The following AMDHD2 variants were observed in gnomAD, a reference collection of about 807,000 sequenced individuals.
AMDHD2 encodes amidohydrolase domain containing 2, also known as N-acetylglucosamine-6-phosphate deacetylase.
In AMDHD2, 24 loss-of-function variants were observed where a neutral mutation model predicts 41.8. That is an observed-to-expected ratio of 0.57 (90% CI 0.42 to 0.81). The LOEUF (loss-of-function observed/expected upper bound fraction) is 0.81. Among genes scored for constraint, AMDHD2 ranks in the 30% least tolerant of loss-of-function variants. The pLI, the probability that AMDHD2 is intolerant of heterozygous loss-of-function variation, is 0.00. For synonymous variants in AMDHD2, 332 were observed against 255.5 expected (o/e 1.30, Z -2.85); for missense variants, 540 against 588.5 (o/e 0.92, Z 0.85).
intron 3 of AMDHD2, among the ~76,000 whole-genome samples, chr16:2,522,085 G>C (rs991191092): frequency 6.6e-6 from 1 of 151,972 alleles, no homozygotes; most frequent in Non-Finnish European, 1.5e-5. Context: ...CGCCCGGCCA[G>C]TTTTTGTTAT....
In AMDHD2 at chr16:2,520,539, C is replaced by G; in HGVS notation, c.81C>G (p.Leu27=). Residue 27 remains leucine (L), a splice_region_variant and synonymous_variant, in exon 1 of 11, where the codon CTC becomes CTG. Coordinates refer to ENST00000293971, the MANE Select transcript of AMDHD2 (RefSeq NM_001330449.2). ...NCRILRGGKL[L]REDLWVRGGR... ...GGATCCTGCGCGGAGGGAAACTGCT[C>G]AGGTGGGCGCGGGCCGGGGACTGCG... is the stretch of plus-strand genomic sequence containing the variant. 8.1e-7 allele frequency: 1 copy of G among 1,233,434 alleles called. No homozygotes were observed. 76.4% of individuals were successfully genotyped at this position (1,233,434 alleles called of 1,614,324 possible).
chr16:2,529,519 A>G lies in AMDHD2; in HGVS notation c.1186A>G (p.Ile396Val). The change falls in exon 11 of 11, where the codon ATC becomes GTC. Residue 396 changes from isoleucine (I) to valine (V), a missense_variant. Coordinates refer to ENST00000293971, the MANE Select transcript of AMDHD2 (RefSeq NM_001330449.2). ...DDSLHVQATY[I>V]SGELVWQADA... is the part of the protein sequence containing the mutation. ...CTCCCTTCACGTCCAGGCCACCTAC[A>G]TCTCGGGTGAGCTGGTGTGGCAGGC... The G allele has an allele frequency of 1.2e-6, 2 of 1,611,944 alleles. No individual in the cohort carries two copies. Among genetic ancestry groups the G allele is most frequent in the Non-Finnish European group, 1.7e-6 (2 of 1,179,932 alleles).
Position 2,530,527 on chromosome 16 carries a change from T to A in AMDHD2, c.*964T>A, listed in dbSNP as rs201467221. On this transcript the variant is annotated 3_prime_UTR_variant, in exon 11 of 11. Coordinates refer to ENST00000293971, the MANE Select transcript of AMDHD2 (RefSeq NM_001330449.2). ...AGCCCCACGTCAGGGGTGATTGTCT[T>A]GACTTTCTCTCCATTTGAGTTCTGG... The A allele has an allele frequency of 2.0e-4, 327 of 1,614,152 alleles. 2 individuals carry two copies. The African/African-American group carries it at 3.8e-3, about 19-fold the overall frequency.
intron 3 of AMDHD2, among the ~76,000 whole-genome samples, chr16:2,523,348 G>T (rs2065966035): frequency 6.6e-6 from 1 of 152,122 alleles, no homozygotes; most frequent in Non-Finnish European, 1.5e-5. Flanking sequence ...CCCTCTCTTG[G>T]TGTGTGGGCA....
chr16:2,521,214 G>A (rs1189245468), intron 3 of AMDHD2, 91 bp downstream of exon 3: 40 of 1,402,184 alleles, frequency 2.9e-5, no homozygotes, highest in Non-Finnish European at 3.6e-5. Context: ...CCCACCCCCA[G>A]CACGTATTCC....
At chr16:2,528,425 G>C (rs759337606) in intron 7 of AMDHD2, 27 bp from the exon 8 acceptor site, 2 of 1,612,780 alleles carry the variant, frequency 1.2e-6, no homozygotes, top group Admixed American at 1.7e-5. Flanking sequence ...GACTGGGCTA[G>C]CAGGTTCTGA....
At chr16:2,521,392 C>T (rs889135750) in intron 3 of AMDHD2, among the ~76,000 whole-genome samples, 2 of 152,168 alleles carry the variant, frequency 1.3e-5, no homozygotes, top group Non-Finnish European at 2.9e-5. Flanking sequence ...GTCCCCACCC[C>T]CTGCACTGCA....
chr16:2,527,815 G>A lies in AMDHD2; in HGVS notation c.458G>A (p.Gly153Asp). The A allele has an allele frequency of 6.3e-7, 1 of 1,591,248 alleles. No individual in the cohort carries two copies. Among genetic ancestry groups the A allele is most frequent in the Non-Finnish European group, 8.5e-7 (1 of 1,174,520 alleles). The change falls in exon 5 of 11, where the codon GGC becomes GAC. Residue 153 changes from glycine to aspartate, a missense_variant. Physicochemically the swap from Gly to Asp is moderately conservative, Grantham distance 94 (BLOSUM62 -1). Coordinates refer to ENST00000293971, the MANE Select transcript of AMDHD2 (RefSeq NM_001330449.2). This position sits in a 1 kb window ranked among gnomAD's most constrained non-coding sequence, Gnocchi z 6.1. ...EGPFISREKRGAHPEAHLRSF... is the reference protein window; with the variant it reads ...EGPFISREKRDAHPEAHLRSF... ...CCCTTCATCAGCCGGGAGAAGCGGGGCGCGCACCCCGAGGCCCACCTCCGC... is the reference window on the plus strand; with the variant it reads ...CCCTTCATCAGCCGGGAGAAGCGGGACGCGCACCCCGAGGCCCACCTCCGC...
Position 2,530,630 on chromosome 16 carries a change from C to T in AMDHD2, c.*1067C>T, listed in dbSNP as rs771857444. On this transcript the variant is annotated 3_prime_UTR_variant, in exon 11 of 11. Coordinates refer to ENST00000293971, the MANE Select transcript of AMDHD2 (RefSeq NM_001330449.2). Reference sequence around the variant, plus strand: ...GTACGCGCCTGGCTCTGCCACTGTTCTCTTCCCTCTGCTGCAAAGCCCAGT... The same window carrying T: ...GTACGCGCCTGGCTCTGCCACTGTTTTCTTCCCTCTGCTGCAAAGCCCAGT... 1.9e-6 allele frequency: 3 copies of T among 1,614,204 alleles called. No individual in the cohort carries two copies. The highest frequency in any genetic ancestry group is 2.5e-6 in the Non-Finnish European group (3 of 1,180,036).
At chr16:2,526,416 T>G (rs934696926) in intron 3 of AMDHD2, among the ~76,000 whole-genome samples, 1 of 152,060 alleles carries the variant, frequency 6.6e-6, no homozygotes, top group Non-Finnish European at 1.5e-5. Flanking sequence ...TCTGCTCTAC[T>G]TCCCCGGGGG....
At chr16:2,529,164 C>T in intron 10 of AMDHD2, 69 bp downstream of exon 10, 1 of 1,421,280 alleles carries the variant, frequency 7.0e-7, no homozygotes, top group South Asian at 1.4e-5. Flanking sequence ...CCTGGGGCGG[C>T]CTGGACAGGG....
chr16:2,529,442 C>T (rs760362467), intron 10 of AMDHD2, 33 bp from the exon 11 acceptor site: 3 of 1,605,650 alleles, frequency 1.9e-6, no homozygotes, highest in East Asian at 4.5e-5. Context: ...GGCCCCACTC[C>T]TGCCCCCTAC....
chr16:2,530,754 G>C lies in AMDHD2; in HGVS notation c.*1191G>C, dbSNP rs76722821. ...GAACCACCTGCCTGGGCAGGGCCTC[G>C]CCTGAGGGAGGGCCTGGGGCAGGGC... On this transcript the variant is annotated 3_prime_UTR_variant, in exon 11 of 11. Coordinates refer to ENST00000293971, the MANE Select transcript of AMDHD2 (RefSeq NM_001330449.2). The C allele has an allele frequency of 0.016, 26,003 of 1,613,532 alleles. 274 individuals are homozygous for C. Among genetic ancestry groups the C allele is most frequent in the Non-Finnish European group, 0.02 (23,291 of 1,179,814 alleles).
At chr16:2,522,270 G>A (rs1006452807) in intron 3 of AMDHD2, among the ~76,000 whole-genome samples, 1 of 152,120 alleles carries the variant, frequency 6.6e-6, no homozygotes, top group African/African-American at 2.4e-5. Flanking sequence ...TTTTTGTAGA[G>A]AAAGTCTCAC....
Position 2,530,418 on chromosome 16 carries a change from G to C in AMDHD2, c.*855G>C. The C allele has an allele frequency of 1.2e-6, 2 of 1,614,172 alleles. No individual in the cohort carries two copies. Among genetic ancestry groups the C allele is most frequent in the South Asian group, 1.1e-5 (1 of 91,088 alleles). ...GCAAACACGGGCCGTGAGGCTCCCT[G>C]AACAGCTTCGAGGCGGGTGGGCTTC... is the stretch of plus-strand genomic sequence containing the variant. On this transcript the variant is annotated 3_prime_UTR_variant, in exon 11 of 11. Coordinates refer to ENST00000293971, the MANE Select transcript of AMDHD2 (RefSeq NM_001330449.2).
rs1334047569 is a variant in AMDHD2 at position 2,521,137 on chromosome 16, C to G, written c.360+14C>G. On this transcript the variant is annotated intron_variant, in intron 3 of 10. Transcript: ENST00000293971. ...GTTTATCACAAGGTGAGGTGAGGCTCCCTGGCTGAGGTGGAGGGGGCTCCC... is the reference window on the plus strand; with the variant it reads ...GTTTATCACAAGGTGAGGTGAGGCTGCCTGGCTGAGGTGGAGGGGGCTCCC... The G allele has an allele frequency of 1.9e-6, 3 of 1,554,518 alleles. No individual in the cohort carries two copies. In the East Asian group the frequency reaches 7.1e-5, roughly 37 times the overall value.
At position 2,520,813 on chromosome 16, in the gene AMDHD2, AGCTGTTCTTTGAGGAGCGGCGCGTG is replaced by A; in HGVS notation, c.131_155del (p.Leu44ProfsTer76). ...GGAGGCCGCATCTTGGACCCAGAGA[AGCTGTTCTTTGAGGAGCGGCGCGTG>A]GCCGACGAGCGGCGGGACTGCGGGG... On this transcript the variant is annotated frameshift_variant, in exon 2 of 11. Coordinates refer to ENST00000293971, the MANE Select transcript of AMDHD2 (RefSeq NM_001330449.2). LOFTEE classifies it high-confidence loss of function. 1 of 1,610,562 alleles carries A rather than the reference AGCTGTTCTTTGAGGAGCGGCGCGTG, an allele frequency of 6.2e-7. No individual in the cohort carries two copies. Among genetic ancestry groups the A allele is most frequent in the South Asian group, 1.1e-5 (1 of 90,954 alleles).
chr16:2,523,275 C>A (rs911834468), intron 3 of AMDHD2, among the ~76,000 whole-genome samples: 1 of 152,180 alleles, frequency 6.6e-6, no homozygotes, highest in Admixed American at 6.5e-5. Flanking sequence ...GAGCCCCCGC[C>A]GTTTTCCCCT....
Position 2,522,846 on chromosome 16 carries a change from T to C in AMDHD2, c.360+1723T>C, listed in dbSNP as rs1456319744. ...CCTGTTTATTCCTTAGTACTTAACT[T>C]TTTTTTTTTTTTTTTGAGACATAGT... On this transcript the variant is annotated intron_variant, in intron 3 of 10. Transcript: ENST00000293971. Among the ~76,000 whole-genome samples the C allele has an allele frequency of 2.7e-5, 4 of 146,306 alleles. No homozygotes were observed. The East Asian group carries it at 6.0e-4, about 22-fold the overall frequency.
Sources: allele counts gnomAD v4.1 joint callset (sites outside exome capture counted in the v4.1 genomes callset), GRCh38; gene constraint gnomAD v4.1.1; non-coding constraint Gnocchi (gnomAD v3.1); transcripts MANE v1.5; gene names NCBI Gene and HGNC (gene_info 2026-07-23, HGNC 2026-07-21).